The following CARMIL1 variants were observed in gnomAD, a reference collection of about 807,000 sequenced individuals.
CARMIL1 encodes the protein capping protein regulator and myosin 1 linker 1.
Under a neutral mutation model 177.1 loss-of-function variants are expected in CARMIL1, and 90 were observed. The observed-to-expected ratio is 0.51, with a 90% CI of 0.43 to 0.61. CARMIL1 has a LOEUF of 0.61. Among genes scored for constraint, CARMIL1 ranks in the 20% least tolerant of loss-of-function variants. CARMIL1 has a pLI of 0.00. For missense variants in CARMIL1, 1,380 were observed against 1,667.0 expected, an observed-to-expected ratio of 0.83 and a Z score of 3.00; for synonymous variants, 577 against 606.2, an observed-to-expected ratio of 0.95 and a Z score of 0.71.
intron 23 of CARMIL1, among the ~76,000 whole-genome samples, chr6:25,522,490 G>C (rs975188323): frequency 2.6e-5 from 4 of 152,152 alleles, no homozygotes; most frequent in Non-Finnish European, 4.4e-5. Flanking sequence ...AAGCTTTCCT[G>C]GTGTTTGTAA....
chr6:25,288,181 G>A (rs902612005), intron 2 of CARMIL1, among the ~76,000 whole-genome samples: 7 of 152,220 alleles, frequency 4.6e-5, no homozygotes, highest in Non-Finnish European at 1.0e-4. Flanking sequence ...CAAGCGAAGA[G>A]AGTGGAGACA....
At chr6:25,292,622 C>A (rs987267437) in intron 2 of CARMIL1, among the ~76,000 whole-genome samples, 1 of 152,138 alleles carries the variant, frequency 6.6e-6, no homozygotes, top group African/African-American at 2.4e-5. Flanking sequence ...TCTGCAACTG[C>A]CCCAGTTTCT....
In CARMIL1 at chr6:25,497,437, C is replaced by T. The variant is rs139469159; in HGVS notation, c.1325+2222C>T. Reference sequence around the variant, plus strand: ...AGCATCTGACTTTGAGATGGAGATTCGCAAGTAGGATATTTATAAGGACAT... The same window carrying T: ...AGCATCTGACTTTGAGATGGAGATTTGCAAGTAGGATATTTATAAGGACAT... On this transcript the variant is annotated intron_variant, in intron 16 of 36. Transcript: ENST00000329474. Among the ~76,000 whole-genome samples, 466 of 152,140 alleles carry T rather than the reference C, an allele frequency of 3.1e-3. 1 individual carries two copies. Among genetic ancestry groups the T allele is most frequent in the Middle Eastern group, 6.8e-3 (2 of 294 alleles).
chr6:25,313,747 C>T lies in CARMIL1; in HGVS notation c.138+28838C>T, dbSNP rs1409967326. On this transcript the variant is annotated intron_variant, in intron 2 of 36. Coordinates refer to ENST00000329474, the MANE Select transcript of CARMIL1 (RefSeq NM_017640.6). ...ATTTAAAAAAATTGGATGCCTTAAA[C>T]TTCCAAATAAATGCGTTTTAGAGCT... is the stretch of plus-strand genomic sequence containing the variant. 2.0e-5 allele frequency among the ~76,000 whole-genome samples: 3 copies of T among 148,206 alleles called. No individual in the cohort carries two copies. The East Asian group carries it at 6.1e-4, about 30-fold the overall frequency.
At chr6:25,293,726 C>G (rs1782172843) in intron 2 of CARMIL1, among the ~76,000 whole-genome samples, 1 of 151,898 alleles carries the variant, frequency 6.6e-6, no homozygotes, top group South Asian at 2.1e-4. Flanking sequence ...CTCTTCCCTT[C>G]CCCCTTCCTC....
Position 25,577,257 on chromosome 6 carries a change from A to G in CARMIL1, c.2743-3667A>G. 1 of 277,246 alleles carries G rather than the reference A, an allele frequency of 3.6e-6. No homozygotes were observed. The highest frequency in any genetic ancestry group is 5.5e-6 in the Non-Finnish European group (1 of 182,354). 17.2% of individuals were successfully genotyped at this position (277,246 alleles called of 1,614,324 possible). A position where few individuals can be genotyped will look rare whatever the true frequency, so the allele number is the denominator to read the frequency against. ...GAGTGTTGATGAAGAGGATACAAAC[A>G]TTCAAGAGGAGACAAGTGCTTATTC... On this transcript the variant is annotated intron_variant, in intron 29 of 36. Transcript: ENST00000329474. This position sits in a 1 kb window ranked among gnomAD's most constrained non-coding sequence, Gnocchi z 4.5.
At position 25,492,008 on chromosome 6, in the gene CARMIL1, A is replaced by G; in HGVS notation, c.1204A>G (p.Thr402Ala). 1 of 1,613,542 alleles carries G rather than the reference A, an allele frequency of 6.2e-7. No homozygotes were observed. Among genetic ancestry groups the G allele is most frequent in the Non-Finnish European group, 8.5e-7 (1 of 1,179,614 alleles). ...QYLAVLNLSR[T>A]VFSHRKGKEV... ...TTTAGCTGTGCTCAACCTCTCCAGA[A>G]CTGTCTTCTCTCACCGGTATAGATT... Residue 402 changes from threonine to alanine, a missense_variant, in exon 15 of 37, where the codon ACT becomes GCT. Coordinates refer to ENST00000329474, the MANE Select transcript of CARMIL1 (RefSeq NM_017640.6).
intron 8 of CARMIL1, among the ~76,000 whole-genome samples, chr6:25,465,157 G>A (rs549042251): frequency 2.0e-5 from 3 of 152,024 alleles, no homozygotes; most frequent in South Asian, 4.2e-4. Flanking sequence ...TACTGTCAGG[G>A]TAGGCAGTAC....
chr6:25,432,052 A>G (rs1796837040), intron 4 of CARMIL1, among the ~76,000 whole-genome samples: 1 of 152,212 alleles, frequency 6.6e-6, no homozygotes, highest in African/African-American at 2.4e-5. Context: ...TCTCTGTCAC[A>G]TCATACTTCC....
At chr6:25,388,114 T>C (rs1439057509) in intron 2 of CARMIL1, 3 of 152,210 alleles carry the variant, frequency 2.0e-5, no homozygotes, top group African/African-American at 7.2e-5. Flanking sequence ...CTGCAATGTG[T>C]CTGCAGGTGT....
intron 8 of CARMIL1, among the ~76,000 whole-genome samples, chr6:25,455,204 G>A (rs946309420): frequency 2.6e-5 from 4 of 152,024 alleles, no homozygotes; most frequent in African/African-American, 9.7e-5. Flanking sequence ...TTTGTATGTC[G>A]AGATCTGTGA....
chr6:25,322,740 G>A (rs1191182657), intron 2 of CARMIL1, among the ~76,000 whole-genome samples: 1 of 152,184 alleles, frequency 6.6e-6, no homozygotes, highest in Non-Finnish European at 1.5e-5. Flanking sequence ...CAGAATTTCT[G>A]TGATGTGCAG....
chr6:25,453,855 G>A (rs1449032704), intron 8 of CARMIL1, among the ~76,000 whole-genome samples: 1 of 152,152 alleles, frequency 6.6e-6, no homozygotes, highest in African/African-American at 2.4e-5. Context: ...ACACTGTAGG[G>A]CAGCTTGAGG....
chr6:25,431,675 AT>A (rs1380812045), intron 4 of CARMIL1, among the ~76,000 whole-genome samples: 2 of 152,174 alleles, frequency 1.3e-5, no homozygotes, highest in African/African-American at 4.8e-5. Context: ...CTATTTAATT[AT>A]GAGAAAGAGT....
chr6:25,474,128 G>A (rs1459686495), intron 11 of CARMIL1, among the ~76,000 whole-genome samples: 2 of 147,696 alleles, frequency 1.4e-5, no homozygotes, highest in African/African-American at 5.0e-5. Context: ...TTTTTTTTGA[G>A]AAGGAGTCTT....
intron 23 of CARMIL1, among the ~76,000 whole-genome samples, chr6:25,526,089 C>G (rs1398476843): frequency 6.6e-6 from 1 of 151,370 alleles, no homozygotes; most frequent in Non-Finnish European, 1.5e-5. Context: ...GCGGGCGGAT[C>G]ACAAGGTCAG....
At position 25,554,258 on chromosome 6, in the gene CARMIL1, T is replaced by C. The variant is rs1404228409; in HGVS notation, c.2592+162T>C. On this transcript the variant is annotated intron_variant, in intron 28 of 36. Transcript: ENST00000329474. This position sits in a 1 kb window ranked among gnomAD's most constrained non-coding sequence, Gnocchi z 4.6. ...CCTCCTTTCTCTTCTATGTTGCTTCTAGCCATTCTGGAGCATGTTAGAACT... is the reference window on the plus strand; with the variant it reads ...CCTCCTTTCTCTTCTATGTTGCTTCCAGCCATTCTGGAGCATGTTAGAACT... Among the ~76,000 whole-genome samples, 1 of 152,216 alleles carries C rather than the reference T, an allele frequency of 6.6e-6. No individual in the cohort carries two copies. Among genetic ancestry groups the C allele is most frequent in the African/African-American group, 2.4e-5 (1 of 41,452 alleles).
intron 31 of CARMIL1, among the ~76,000 whole-genome samples, chr6:25,586,536 C>T (rs1813721279): frequency 6.6e-6 from 1 of 151,400 alleles, no homozygotes; most frequent in Non-Finnish European, 1.5e-5. Context: ...AGACGCTCCT[C>T]ACTTCCCAGA....
At chr6:25,361,276 C>T (rs537147578) in intron 2 of CARMIL1, among the ~76,000 whole-genome samples, 175 of 152,156 alleles carry the variant, frequency 1.2e-3, no homozygotes, top group African/African-American at 3.9e-3. Context: ...ATGGGTCATT[C>T]CTCTAAATAG....
Sources: gnomAD v4.1 joint callset for allele counts (sites outside exome capture counted in the v4.1 genomes callset) on GRCh38, gnomAD v4.1.1 for gene constraint, Gnocchi (gnomAD v3.1) non-coding constraint, MANE v1.5 for transcripts, NCBI Gene and HGNC (gene_info 2026-07-23, HGNC 2026-07-21) for gene names.